The following GART variants were observed in gnomAD, a reference collection of about 807,000 sequenced individuals.
GART encodes the protein phosphoribosylglycinamide formyltransferase, phosphoribosylglycinamide synthetase, phosphoribosylaminoimidazole synthetase, also known as trifunctional purine biosynthetic protein adenosine-3.
A neutral mutation model predicts 107.2 loss-of-function variants in GART; 43 were observed. The observed-to-expected ratio is 0.40, with a 90% CI of 0.31 to 0.52. GART has a LOEUF of 0.52. GART is among the 20% of genes least tolerant of loss of function. GART has a pLI of 0.52. For missense variants in GART, 1,107 were observed against 1,206.5 expected, an observed-to-expected ratio of 0.92 and a Z score of 1.22; for synonymous variants, 434 against 427.0, an observed-to-expected ratio of 1.02 and a Z score of -0.20.
chr21:33,535,331 A>G lies in GART; in HGVS notation c.146-11T>C, dbSNP rs751967779. On this transcript the variant is annotated splice_polypyrimidine_tract_variant and intron_variant, in intron 2 of 21. Coordinates refer to ENST00000381815, the MANE Select transcript of GART (RefSeq NM_000819.5). Reference sequence around the variant, plus strand: ...CACTGATTGAGATGGCTGTAAACAGAAAAAAAAAAAAAAAAACCACTGCAT... The same window carrying G: ...CACTGATTGAGATGGCTGTAAACAGGAAAAAAAAAAAAAAAACCACTGCAT... 2.5e-5 allele frequency: 21 copies of G among 828,174 alleles called. No homozygotes were observed. Among genetic ancestry groups the G allele is most frequent in the African/African-American group, 7.9e-5 (4 of 50,860 alleles). The allele number at this position is 828,174 out of a possible 1,614,324, so 51.3% of individuals were successfully genotyped here.
chr21:33,527,316 C>T (rs140385257), intron 10 of GART, among the ~76,000 whole-genome samples: 7 of 152,074 alleles, frequency 4.6e-5, no homozygotes, highest in African/African-American at 1.4e-4. Context: ...GTCAGGAGTT[C>T]GAGACCAGCC....
chr21:33,534,036 C>T (rs2085251880), intron 4 of GART, among the ~76,000 whole-genome samples: 1 of 152,156 alleles, frequency 6.6e-6, no homozygotes. Context: ...TGTCATCTTC[C>T]TGCAAGGCCA....
At chr21:33,523,425 C>T (rs2085008812) in intron 11 of GART, among the ~76,000 whole-genome samples, 1 of 152,000 alleles carries the variant, frequency 6.6e-6, no homozygotes. Flanking sequence ...ATAATTCAGA[C>T]TAGAATTGAG....
chr21:33,515,201 C>T (rs763149871), intron 16 of GART, among the ~76,000 whole-genome samples: 1 of 152,218 alleles, frequency 6.6e-6, no homozygotes, highest in Non-Finnish European at 1.5e-5. Flanking sequence ...CTCCTCTCTT[C>T]AAGCTCCCAC....
intron 2 of GART, 97 bp downstream of exon 2, chr21:33,539,074 C>A: frequency 8.0e-7 from 1 of 1,248,140 alleles, no homozygotes; most frequent in Non-Finnish European, 1.1e-6. Context: ...GCCACTGTGC[C>A]CAGCCTATCT....
chr21:33,522,145 G>T, intron 12 of GART, 43 bp downstream of exon 12: 1 of 1,366,648 alleles, frequency 7.3e-7, no homozygotes, highest in Non-Finnish European at 1.0e-6. Context: ...CATTCACAAT[G>T]TATATCAAAG....
Position 33,504,057 on chromosome 21 carries a change from T to TA in GART, c.*66dup. 6.9e-7 allele frequency: 1 copy of TA among 1,445,670 alleles called. No individual in the cohort carries two copies. Among genetic ancestry groups the TA allele is most frequent in the Non-Finnish European group, 9.3e-7 (1 of 1,073,100 alleles). The allele number at this position is 1,445,670 out of a possible 1,614,324, so 89.6% of individuals were successfully genotyped here. On this transcript the variant is annotated 3_prime_UTR_variant, in exon 22 of 22. Coordinates refer to ENST00000381815, the MANE Select transcript of GART (RefSeq NM_000819.5). ...TTTTTCTTTTGGGCCAAGTCCATGA[T>TA]AAAAAACCACCATGCAAACAGCAAA...
At chr21:33,523,374 T>C (rs1601200075) in intron 11 of GART, among the ~76,000 whole-genome samples, 2 of 152,304 alleles carry the variant, frequency 1.3e-5, no homozygotes, top group East Asian at 3.9e-4. Context: ...CAGTAGCAAC[T>C]AACACTGTGG....
chr21:33,535,639 G>GT (rs1305570985), intron 2 of GART, among the ~76,000 whole-genome samples: 1 of 152,086 alleles, frequency 6.6e-6, no homozygotes, highest in Non-Finnish European at 1.5e-5. Context: ...AACAAAAAAC[G>GT]TAAGATATAC....
In GART at chr21:33,509,881, A is replaced by C. The variant is rs143294111; in HGVS notation, c.2354T>G (p.Met785Arg). Residue 785 changes from methionine to arginine, a missense_variant, in exon 18 of 22, where the codon ATG becomes AGG. Physicochemically the swap from Met to Arg is moderately conservative, Grantham distance 91 (BLOSUM62 -1). Coordinates refer to ENST00000381815, the MANE Select transcript of GART (RefSeq NM_000819.5). ...RVKVKNLIES[M>R]QINGSVLKNG... ...CTTCAACACTGACCCATTTATTTGC[A>C]TGCTTTCAATCAGATTCTTGACTTT... is the stretch of plus-strand genomic sequence containing the variant. The C allele has an allele frequency of 2.9e-5, 46 of 1,613,670 alleles. No homozygotes were observed. The African/African-American group carries it at 4.8e-4, about 17-fold the overall frequency.
intron 16 of GART, among the ~76,000 whole-genome samples, chr21:33,515,847 C>T (rs1435738556): frequency 6.6e-6 from 1 of 152,126 alleles, no homozygotes; most frequent in East Asian, 1.9e-4. Context: ...GTATCTATGT[C>T]CAGCAAACTG....
rs760245905 is a variant in GART at position 33,506,024 on chromosome 21, C to G, written c.2533G>C (p.Ala845Pro). 7 of 1,614,180 alleles carry G rather than the reference C, an allele frequency of 4.3e-6. No homozygotes were observed. The highest frequency in any genetic ancestry group is 5.9e-6 in the Non-Finnish European group (7 of 1,180,016). Residue 845 changes from alanine to proline, a missense_variant, in exon 19 of 22, where the codon GCC (alanine) becomes CCC (proline). Physicochemically the swap from Ala to Pro is conservative, Grantham distance 27. Coordinates refer to ENST00000381815, the MANE Select transcript of GART (RefSeq NM_000819.5). ...AQIDIVISNK[A>P]AVAGLDKAER... ...GCTTTATCTAACCCAGCTACTGCGGCTTTGTTGGAGATAACAATATCAATT... is the reference window on the plus strand; with the variant it reads ...GCTTTATCTAACCCAGCTACTGCGGGTTTGTTGGAGATAACAATATCAATT...
chr21:33,505,501 C>G (rs1183579871), intron 20 of GART, 60 bp downstream of exon 20: 4 of 1,446,654 alleles, frequency 2.8e-6, no homozygotes, highest in Non-Finnish European at 3.7e-6. Flanking sequence ...GGCAAGTTAT[C>G]TGTTCTGGAG....
chr21:33,521,944 CT>C (rs5843610), intron 12 of GART, among the ~76,000 whole-genome samples: 111,839 of 137,042 alleles, frequency 0.82, 45,836 homozygotes, highest in East Asian at 0.98. Context: ...GGGCAAGACT[CT>C]TGTCTCAAAA....
chr21:33,524,716 C>T (rs778240033), intron 11 of GART, 53 bp downstream of exon 11: 2 of 1,611,048 alleles, frequency 1.2e-6, no homozygotes, highest in African/African-American at 1.3e-5. Context: ...TCTACATAGC[C>T]ATTTAGGCCA....
intron 11 of GART, among the ~76,000 whole-genome samples, chr21:33,522,682 T>A (rs2084994460): frequency 6.6e-6 from 1 of 152,248 alleles, no homozygotes; most frequent in Admixed American, 6.5e-5. Flanking sequence ...TTCAATAGTA[T>A]TGAATACAAT....
At chr21:33,522,480 G>A (rs547835766) in intron 11 of GART, among the ~76,000 whole-genome samples, 198 bp from the exon 12 acceptor site, 30 of 152,280 alleles carry the variant, frequency 2.0e-4, no homozygotes, top group African/African-American at 7.2e-4. Context: ...GAATTGAAAT[G>A]AGTTTGAACC....
intron 2 of GART, among the ~76,000 whole-genome samples, chr21:33,535,942 C>T (rs567386590): frequency 1.3e-5 from 2 of 151,912 alleles, no homozygotes; most frequent in Non-Finnish European, 2.9e-5. Context: ...ACAGGAGAAT[C>T]GCTTGAACTG....
chr21:33,509,937 TCCATAAATAAGTAAAGAA>T lies in GART; in HGVS notation c.2315-35_2315-18del, dbSNP rs1424340818. 6.3e-6 allele frequency: 10 copies of T among 1,594,366 alleles called. No individual in the cohort carries two copies. In the East Asian group the frequency reaches 2.2e-4, roughly 36 times the overall value. ...GTGGGGAACCTTCATTTCAAACATATCCATAAATAAGTAAAGAACAATTGTGAATTAACAAGAATAATG... is the reference window on the plus strand; with the variant it reads ...GTGGGGAACCTTCATTTCAAACATATCAATTGTGAATTAACAAGAATAATG... On this transcript the variant is annotated intron_variant, in intron 17 of 21. Transcript: ENST00000381815.
Sources: allele counts gnomAD v4.1 joint callset (sites outside exome capture counted in the v4.1 genomes callset), GRCh38; gene constraint gnomAD v4.1.1; transcripts MANE v1.5; gene names NCBI Gene and HGNC (gene_info 2026-07-23, HGNC 2026-07-21).